The following POLR2J2 variants were observed in gnomAD, a reference collection of about 807,000 sequenced individuals.
POLR2J2 encodes DNA-directed RNA polymerase II subunit RPB11-b1.
POLR2J2 carries 3 observed loss-of-function variants against 2.8 expected under a neutral mutation model. That is an observed-to-expected ratio of 1.05 (90% CI 0.48 to 2.72). POLR2J2 has a LOEUF of 2.72. Among genes scored for constraint, POLR2J2 ranks in the 30% most tolerant of loss-of-function variants. POLR2J2 has a pLI of 0.04. For synonymous variants in POLR2J2, 4 were observed against 10.9 expected (o/e 0.37, Z 1.25); for missense variants, 9 against 27.8 (o/e 0.32, Z 1.52).
intron 2 of POLR2J2, among the ~76,000 whole-genome samples, chr7:102,668,655 AAAAC>A (rs1175565596): frequency 6.7e-5 from 7 of 104,466 alleles, no homozygotes; most frequent in Middle Eastern, 5.1e-3. Context: ...TTCCATCTCA[AAAAC>A]AAACAAACAA....
intron 1 of POLR2J2, among the ~76,000 whole-genome samples, chr7:102,669,362 G>A (rs2133564868): frequency 2.0e-4 from 1 of 5,072 alleles, no homozygotes; most frequent in Middle Eastern, 0.045. Context: ...GCAACAGAGT[G>A]GAACTCTGTA....
rs575858371 is a variant in POLR2J2 at position 102,669,025 on chromosome 7, C to G, written c.51-21G>C. 623 of 348,060 alleles carry G rather than the reference C, an allele frequency of 1.8e-3. 59 individuals are homozygous for G. Among genetic ancestry groups the G allele is most frequent in the Non-Finnish European group, 2.4e-3 (504 of 207,838 alleles). The allele number at this position is 348,060 out of a possible 1,614,324, so 21.6% of individuals were successfully genotyped here. ...TGATCCTAGGAAGACACAGAGGCCA[C>G]AGATGAGGAGCAGGGGCTCCCCTCC... On this transcript the variant is annotated intron_variant, in intron 1 of 2. Transcript: ENST00000358438.
At chr7:102,666,276 A>G (rs2133561342) in exon 3 of POLR2J2, 1 of 163,470 alleles carries the variant, frequency 6.1e-6, no homozygotes, top group Middle Eastern at 2.0e-3. Context: ...GCAAGGGGGA[A>G]GTCGGCCCCC....
At chr7:102,668,802 C>G (rs1792063761) in intron 2 of POLR2J2, 113 bp downstream of exon 2, 1 of 206,438 alleles carries the variant, frequency 4.8e-6, no homozygotes, top group Non-Finnish European at 9.8e-6. Flanking sequence ...CCAGAGCAAG[C>G]CCCCAGAAGG....
chr7:102,671,342 G>A, intron 1 of POLR2J2: 1 of 303,182 alleles, frequency 3.3e-6, no homozygotes. Context: ...GGGGCAACTT[G>A]CTCGCCTCCA....
chr7:102,667,642 G>T (rs1792043489), intron 2 of POLR2J2, among the ~76,000 whole-genome samples: 1 of 150,150 alleles, frequency 6.7e-6, no homozygotes, highest in Non-Finnish European at 1.5e-5. Flanking sequence ...CAGGAGAGGA[G>T]GGCCAGCTCC....
chr7:102,667,754 T>C (rs1247102918), intron 2 of POLR2J2, among the ~76,000 whole-genome samples: 1 of 152,304 alleles, frequency 6.6e-6, no homozygotes, highest in Non-Finnish European at 1.5e-5. Context: ...CTGCGTCGCG[T>C]ACTGTGCCCT....
rs1404471417 is a variant in POLR2J2 at position 102,671,446 on chromosome 7, A to C, written c.50+106T>G. The C allele has an allele frequency of 2.7e-6, 2 of 732,970 alleles. 1 individual carries two copies. Among genetic ancestry groups the C allele is most frequent in the Non-Finnish European group, 4.0e-6 (2 of 500,880 alleles). The allele number at this position is 732,970 out of a possible 1,614,324, so 45.4% of individuals were successfully genotyped here. A position where few individuals can be genotyped will look rare whatever the true frequency, so the allele number is the denominator to read the frequency against. On this transcript the variant is annotated intron_variant, in intron 1 of 2. Transcript: ENST00000358438. ...CTGACACAGGCCGAGCAGACGATCA[A>C]GCAAAAGCTGTTTCCCTCCCGGGGC...
chr7:102,667,747 C>T (rs1310405456), intron 2 of POLR2J2, among the ~76,000 whole-genome samples: 5 of 152,372 alleles, frequency 3.3e-5, no homozygotes, highest in Admixed American at 6.5e-5. Context: ...CATGGGGCTG[C>T]GTCGCGTACT....
chr7:102,669,082 C>T lies in POLR2J2; in HGVS notation c.51-78G>A, dbSNP rs543195689. 2.1e-5 allele frequency: 4 copies of T among 189,206 alleles called. 1 individual carries two copies. In the African/African-American group the frequency reaches 2.1e-4, roughly 10 times the overall value. 11.7% of individuals were successfully genotyped at this position (189,206 alleles called of 1,614,324 possible). A position where few individuals can be genotyped will look rare whatever the true frequency, so the allele number is the denominator to read the frequency against. ...CCTGAGTCTAAACCCTGTCTCCTCCCGGCCAGGTGTGGTGGCTCGTGTCTG... is the reference window on the plus strand; with the variant it reads ...CCTGAGTCTAAACCCTGTCTCCTCCTGGCCAGGTGTGGTGGCTCGTGTCTG... On this transcript the variant is annotated intron_variant, in intron 1 of 2. Coordinates refer to ENST00000358438, the Ensembl canonical transcript of POLR2J2.
At chr7:102,671,635 T>G (rs1458791311), upstream of POLR2J2, 3 of 930,072 alleles carry the variant, frequency 3.2e-6, 1 homozygote, top group Non-Finnish European at 4.6e-6. Flanking sequence ...ACCCCAAGTG[T>G]CCGCCACCGC....
intron 2 of POLR2J2, among the ~76,000 whole-genome samples, chr7:102,667,776 G>T (rs1431768472): frequency 6.6e-6 from 1 of 152,240 alleles, no homozygotes; most frequent in Admixed American, 6.5e-5. Context: ...GGCACGCAGG[G>T]GTCTCCTCTA....
At chr7:102,671,406 C>G (rs1792082441) in intron 1 of POLR2J2, 146 bp downstream of exon 1, 2 of 781,914 alleles carry the variant, frequency 2.6e-6, no homozygotes, top group African/African-American at 1.9e-5. Flanking sequence ...CCTCGCGGAA[C>G]GGCCTTAAAT....
intron 1 of POLR2J2, 42 bp from the exon 2 acceptor site, chr7:102,669,046 C>G: frequency 3.9e-6 from 1 of 256,628 alleles, no homozygotes; most frequent in South Asian, 2.7e-5. Flanking sequence ...CAGGGGCTCC[C>G]CTCCTCCCAC....
In POLR2J2 at chr7:102,671,528, C is replaced by T. The variant is rs779216253; in HGVS notation, c.50+24G>A. 9 of 1,022,990 alleles carry T rather than the reference C, an allele frequency of 8.8e-6. 2 individuals are homozygous for T. The Admixed American group carries it at 1.5e-4, about 17-fold the overall frequency. 63.4% of individuals were successfully genotyped at this position (1,022,990 alleles called of 1,614,324 possible). A position where few individuals can be genotyped will look rare whatever the true frequency, so the allele number is the denominator to read the frequency against. ...ACAGCCGCAGGCCCGCGCACCTAGG[C>T]CCTCCGCAGCCGGCGTCACTTACTT... On this transcript the variant is annotated intron_variant, in intron 1 of 2. Transcript: ENST00000358438.
At position 102,668,955 on chromosome 7, in the gene POLR2J2, T is replaced by C; in HGVS notation, c.100A>G (p.Ile34Val). The stretch of plus-strand genomic sequence containing the variant: ...CCCAGTGTGTGGTCTTCTTTGTTGA[T>C]GGTGAATAAGCAGGCCTTGGGTACC... Residue 34 changes from isoleucine to valine, a missense_variant, in exon 2 of 3, where the codon ATC (isoleucine) becomes GTC (valine). By Grantham distance (29) the Ile-to-Val change is conservative (BLOSUM62 3). Coordinates refer to ENST00000358438, the Ensembl canonical transcript of POLR2J2. The C allele has an allele frequency of 7.2e-6, 4 of 556,852 alleles. 1 individual carries two copies. The highest frequency in any genetic ancestry group is 5.7e-5 in the South Asian group (3 of 52,992). The allele number at this position is 556,852 out of a possible 1,614,324, so 34.5% of individuals were successfully genotyped here.
chr7:102,667,728 G>C (rs1295698140), intron 2 of POLR2J2, among the ~76,000 whole-genome samples: 1 of 152,298 alleles, frequency 6.6e-6, no homozygotes, highest in Admixed American at 6.5e-5. Context: ...CGCACACTGG[G>C]CCTTGTGCCA....
intron 2 of POLR2J2, among the ~76,000 whole-genome samples, chr7:102,667,666 A>G (rs1272709764): frequency 6.6e-6 from 1 of 152,274 alleles, no homozygotes; most frequent in Admixed American, 6.5e-5. Flanking sequence ...CAGTGAGTGG[A>G]ATGCAAATGG....
chr7:102,669,083 G>A (rs1196477297), intron 1 of POLR2J2, 79 bp from the exon 2 acceptor site: 9 of 186,008 alleles, frequency 4.8e-5, no homozygotes, highest in African/African-American at 2.7e-4. Flanking sequence ...GTCTCCTCCC[G>A]GCCAGGTGTG....
Sources: gnomAD v4.1 joint callset for allele counts (sites outside exome capture counted in the v4.1 genomes callset) on GRCh38, gnomAD v4.1.1 for gene constraint, MANE v1.5 for transcripts, NCBI Gene and HGNC (gene_info 2026-07-23, HGNC 2026-07-21) for gene names.